The following GPC5 variants were observed in gnomAD, a reference collection of about 807,000 sequenced individuals.
GPC5 encodes the protein glypican-5.
A neutral mutation model predicts 53.9 loss-of-function variants in GPC5; 47 were observed. The ratio of observed to expected loss-of-function variants is 0.87; its 90% CI spans 0.69 to 1.11. GPC5 has a LOEUF of 1.11. Ranked by LOEUF, GPC5 falls within the 50% of genes most tolerant of loss-of-function variation. The pLI is 0.00. For synonymous variants in GPC5, 286 were observed against 263.3 expected (o/e 1.09, Z -0.84); for missense variants, 748 against 713.1 (o/e 1.05, Z -0.56).
chr13:92,479,220 G>T (rs1879260113), intron 7 of GPC5, among the ~76,000 whole-genome samples: 1 of 152,130 alleles, frequency 6.6e-6, no homozygotes, highest in East Asian at 1.9e-4. Flanking sequence ...AAGAGTATAG[G>T]CTCAGGAAAG....
intron 7 of GPC5, among the ~76,000 whole-genome samples, chr13:92,582,424 A>AT (rs1467748430): frequency 6.6e-6 from 1 of 152,028 alleles, no homozygotes; most frequent in Non-Finnish European, 1.5e-5. Flanking sequence ...TTTAGAGTAG[A>AT]TTTTGAAATT....
rs186703458 is a variant in GPC5 at position 91,639,970 on chromosome 13, C to A, written c.326-53217C>A. Among the ~76,000 whole-genome samples the A allele has an allele frequency of 3.9e-4, 60 of 151,908 alleles. No individual in the cohort carries two copies. The South Asian group carries it at 9.8e-3, about 25-fold the overall frequency. On this transcript the variant is annotated intron_variant, in intron 2 of 7. Coordinates refer to ENST00000377067, the MANE Select transcript of GPC5 (RefSeq NM_004466.6). Reference sequence around the variant, plus strand: ...GATTCCAAGGCTTGGGTTTTATTCACTATGTCAAGTTGTCCCTGTGTTGCT... The same window carrying A: ...GATTCCAAGGCTTGGGTTTTATTCAATATGTCAAGTTGTCCCTGTGTTGCT...
At chr13:91,664,926 A>T (rs981805721) in intron 2 of GPC5, among the ~76,000 whole-genome samples, 1 of 152,198 alleles carries the variant, frequency 6.6e-6, no homozygotes, top group African/African-American at 2.4e-5. Context: ...GAAGCTTCCC[A>T]CTTCATTCTC....
intron 7 of GPC5, among the ~76,000 whole-genome samples, chr13:92,250,490 G>A (rs533787775): frequency 2.6e-5 from 4 of 152,132 alleles, no homozygotes; most frequent in South Asian, 4.1e-4. Context: ...GTTCATGTAC[G>A]CCTTACCCTT....
chr13:91,722,018 G>T (rs1304222336), intron 3 of GPC5, among the ~76,000 whole-genome samples: 1 of 152,124 alleles, frequency 6.6e-6, no homozygotes, highest in Non-Finnish European at 1.5e-5. Context: ...CTACAATAAT[G>T]TCCTACCAAT....
At chr13:92,652,164 CAT>C (rs1193364675) in intron 7 of GPC5, among the ~76,000 whole-genome samples, 2 of 152,064 alleles carry the variant, frequency 1.3e-5, no homozygotes, top group African/African-American at 4.8e-5. Context: ...TTATAATAAA[CAT>C]ATATTTGCAG....
rs185180685 is a variant in GPC5, at chr13:91,544,304, A to G, written c.325+95382A>G. 3.3e-4 allele frequency among the ~76,000 whole-genome samples: 50 copies of G among 152,168 alleles called. No homozygotes were observed. The East Asian group carries it at 8.2e-3, about 25-fold the overall frequency. On this transcript the variant is annotated intron_variant, in intron 2 of 7. Transcript: ENST00000377067. Reference sequence around the variant, plus strand: ...GTTTTAATTTCTTCTTAGACACAATATTTTTAAAGATTTTTAAAAACTTTC... The same window carrying G: ...GTTTTAATTTCTTCTTAGACACAATGTTTTTAAAGATTTTTAAAAACTTTC...
At chr13:91,735,715 G>T (rs17334211) in intron 4 of GPC5, among the ~76,000 whole-genome samples, 7,292 of 151,138 alleles carry the variant, frequency 0.048, 267 homozygotes, top group Middle Eastern at 0.088. Flanking sequence ...TAGGTTTTCT[G>T]TGTGGATGAT....
intron 5 of GPC5, among the ~76,000 whole-genome samples, chr13:91,868,082 G>A (rs564228433): frequency 1.3e-5 from 2 of 152,268 alleles, no homozygotes; most frequent in Non-Finnish European, 2.9e-5. Context: ...TCAAGAAATT[G>A]TCTTTTTTCA....
intron 3 of GPC5, among the ~76,000 whole-genome samples, chr13:91,714,438 T>C (rs1168765233): frequency 6.6e-6 from 1 of 152,168 alleles, no homozygotes; most frequent in East Asian, 1.9e-4. Flanking sequence ...TCCATTGATA[T>C]GAAAAGATTT....
chr13:92,362,114 A>G (rs992732496), intron 7 of GPC5, among the ~76,000 whole-genome samples: 3 of 151,766 alleles, frequency 2.0e-5, no homozygotes, highest in African/African-American at 7.3e-5. Context: ...TAATTAAACA[A>G]TATCTTACTA....
At chr13:92,076,157 C>T (rs995412384) in intron 6 of GPC5, among the ~76,000 whole-genome samples, 1 of 151,954 alleles carries the variant, frequency 6.6e-6, no homozygotes, top group African/African-American at 2.4e-5. Context: ...CAAGCTCCGC[C>T]TCCCGGGTTC....
chr13:91,563,015 A>G (rs1196338748), intron 2 of GPC5, among the ~76,000 whole-genome samples: 1 of 152,110 alleles, frequency 6.6e-6, no homozygotes, highest in African/African-American at 2.4e-5. Flanking sequence ...TTATTTTTAA[A>G]CTATCATTTA....
chr13:91,662,130 G>A lies in GPC5; in HGVS notation c.326-31057G>A, dbSNP rs943537124. On this transcript the variant is annotated intron_variant, in intron 2 of 7. Coordinates refer to ENST00000377067, the MANE Select transcript of GPC5 (RefSeq NM_004466.6). ...AAACAGAGGGAAGAAGAGAACTGAG[G>A]CAGGAGCCCTGGGACCTTTTCAATT... Among the ~76,000 whole-genome samples, 6 of 152,110 alleles carry A rather than the reference G, an allele frequency of 3.9e-5. No individual in the cohort carries two copies. In the South Asian group the frequency reaches 1.0e-3, roughly 26 times the overall value.
chr13:92,748,264 G>C (rs907924166), intron 7 of GPC5, among the ~76,000 whole-genome samples: 20 of 150,652 alleles, frequency 1.3e-4, no homozygotes, highest in Non-Finnish European at 3.0e-4. Flanking sequence ...GTAAGACAAA[G>C]ATTATTTTGG....
intron 7 of GPC5, among the ~76,000 whole-genome samples, chr13:92,235,344 G>A (rs2042562098): frequency 6.6e-6 from 1 of 151,996 alleles, no homozygotes; most frequent in South Asian, 2.1e-4. Context: ...ATAGACTCCT[G>A]ATCATTAGAA....
intron 2 of GPC5, among the ~76,000 whole-genome samples, chr13:91,623,028 T>C (rs535935251): frequency 6.6e-6 from 1 of 152,122 alleles, no homozygotes; most frequent in South Asian, 2.1e-4. Context: ...GGCCTCAAGA[T>C]AGGGGAAGAA....
At chr13:91,421,054 A>G (rs538347823) in intron 1 of GPC5, among the ~76,000 whole-genome samples, 26 of 152,236 alleles carry the variant, frequency 1.7e-4, no homozygotes, top group Non-Finnish European at 3.2e-4. Flanking sequence ...AAATCAACTC[A>G]TGAGCTACTC....
intron 7 of GPC5, among the ~76,000 whole-genome samples, chr13:92,729,131 C>A (rs1405079174): frequency 6.6e-6 from 1 of 151,232 alleles, no homozygotes; most frequent in Non-Finnish European, 1.5e-5. Flanking sequence ...CCCTTCTCCC[C>A]AAAGCATCCT....
Sources: allele counts gnomAD v4.1 joint callset (sites outside exome capture counted in the v4.1 genomes callset), GRCh38; gene constraint gnomAD v4.1.1; transcripts MANE v1.5; gene names NCBI Gene and HGNC (gene_info 2026-07-23, HGNC 2026-07-21).